Variants in UMAD1 observed in about 807,000 individuals in gnomAD.
UMAD1 encodes UBAP1-MVB12-associated (UMA) domain containing 1, also known as UBAP1-MVB12-associated (UMA)-domain containing protein 1.
Under a neutral mutation model 6.1 loss-of-function variants are expected in UMAD1, and 8 were observed. The ratio of observed to expected loss-of-function variants is 1.30; its 90% CI spans 0.76 to 2.35. UMAD1 has a LOEUF of 2.35. Among genes scored for constraint, UMAD1 ranks in the 30% most tolerant of loss-of-function variants. The pLI is 0.00. For missense variants in UMAD1, 130 were observed against 78.4 expected (o/e 1.66, Z -2.49); for synonymous variants, 56 against 31.4 (o/e 1.78, Z -2.61).
At chr7:7,838,288 T>C (rs1162163743) in intron 3 of UMAD1, among the ~76,000 whole-genome samples, 1 of 152,140 alleles carries the variant, frequency 6.6e-6, no homozygotes, top group African/African-American at 2.4e-5. Context: ...CCACAGGGTA[T>C]AGTTTGTTGA....
At chr7:7,751,074 T>G (rs577186917) in intron 2 of UMAD1, among the ~76,000 whole-genome samples, 1 of 152,212 alleles carries the variant, frequency 6.6e-6, no homozygotes, top group Middle Eastern at 3.2e-3. Context: ...TTTGATATTA[T>G]GCAGGCTTCT....
chr7:7,740,821 C>T (rs942315310), intron 2 of UMAD1: 16 of 152,242 alleles, frequency 1.1e-4, no homozygotes, highest in African/African-American at 3.4e-4. Context: ...CTTCCTTTCT[C>T]CTTTTCTCTT....
At chr7:7,735,366 T>G (rs1781333912) in intron 2 of UMAD1, among the ~76,000 whole-genome samples, 1 of 152,106 alleles carries the variant, frequency 6.6e-6, no homozygotes, top group Non-Finnish European at 1.5e-5. Context: ...TTTAATGTGT[T>G]GTAGACATTT....
intron 2 of UMAD1, among the ~76,000 whole-genome samples, chr7:7,722,142 A>ACT (rs34667843): frequency 0.079 from 11,408 of 143,912 alleles, 522 homozygotes; most frequent in Middle Eastern, 0.13. Flanking sequence ...TCCTTAATAA[A>ACT]CTCTCTCTCT....
intron 2 of UMAD1, among the ~76,000 whole-genome samples, chr7:7,731,491 C>T (rs61179069): frequency 7.4e-6 from 1 of 134,516 alleles, no homozygotes; most frequent in Non-Finnish European, 1.6e-5. Flanking sequence ...AACCCCCCCC[C>T]AAAAAAAAAA....
chr7:7,802,307 G>A (rs1221657590), intron 3 of UMAD1, among the ~76,000 whole-genome samples: 1 of 152,180 alleles, frequency 6.6e-6, no homozygotes, highest in Non-Finnish European at 1.5e-5. Flanking sequence ...GAACCCCGGA[G>A]GTGGAGGTTG....
chr7:7,646,570 C>T (rs567294170), intron 1 of UMAD1, among the ~76,000 whole-genome samples: 34 of 151,218 alleles, frequency 2.2e-4, no homozygotes, highest in African/African-American at 7.5e-4. Context: ...TGAGGTCTCC[C>T]CAGCCACGTG....
intron 2 of UMAD1, among the ~76,000 whole-genome samples, chr7:7,755,132 C>G (rs1781752976): frequency 6.6e-6 from 1 of 152,156 alleles, no homozygotes; most frequent in Admixed American, 6.5e-5. Flanking sequence ...GATCTGTTTT[C>G]TCACTGCTAT....
chr7:7,738,733 C>G (rs1014547636), intron 2 of UMAD1: 5 of 152,232 alleles, frequency 3.3e-5, no homozygotes, highest in Non-Finnish European at 7.3e-5. Flanking sequence ...AGCTGTCATC[C>G]TCTCTGGGAG....
chr7:7,775,028 T>C (rs11764567), intron 2 of UMAD1, among the ~76,000 whole-genome samples: 77,384 of 152,020 alleles, frequency 0.51, 20,032 homozygotes, highest in African/African-American at 0.62. Flanking sequence ...CGGTCCTTCC[T>C]CATAGCCAAG....
At chr7:7,663,206 C>A (rs1269483826) in intron 1 of UMAD1, among the ~76,000 whole-genome samples, 1 of 142,060 alleles carries the variant, frequency 7.0e-6, no homozygotes, top group Non-Finnish European at 1.5e-5. Context: ...CTGGTCTTGA[C>A]CTGCTAAATT....
intron 2 of UMAD1, among the ~76,000 whole-genome samples, chr7:7,791,635 C>G (rs551241228): frequency 6.6e-6 from 1 of 152,216 alleles, no homozygotes; most frequent in East Asian, 1.9e-4. Flanking sequence ...AATTATTACC[C>G]CATAGCTACA....
intron 2 of UMAD1, among the ~76,000 whole-genome samples, chr7:7,745,775 C>T (rs564325635): frequency 6.6e-6 from 1 of 152,196 alleles, no homozygotes; most frequent in Non-Finnish European, 1.5e-5. Context: ...TGACAAATGG[C>T]CTGTTTCCCC....
chr7:7,651,124 C>T (rs1219056799), intron 1 of UMAD1, among the ~76,000 whole-genome samples: 1 of 152,074 alleles, frequency 6.6e-6, no homozygotes, highest in Non-Finnish European at 1.5e-5. Context: ...GAAATCACTC[C>T]CTGTACAGTC....
intron 3 of UMAD1, among the ~76,000 whole-genome samples, chr7:7,806,128 C>G (rs1583839136): frequency 6.6e-6 from 1 of 152,180 alleles, no homozygotes; most frequent in South Asian, 2.1e-4. Flanking sequence ...TTCTGCCTAT[C>G]AAATATCTTC....
At chr7:7,675,125 A>C (rs1445551504) in intron 2 of UMAD1, among the ~76,000 whole-genome samples, 2 of 152,152 alleles carry the variant, frequency 1.3e-5, no homozygotes, top group Non-Finnish European at 2.9e-5. Context: ...TCGGCCCCCC[A>C]AAGTGTTGGG....
At chr7:7,651,785 A>G (rs974299706) in intron 1 of UMAD1, among the ~76,000 whole-genome samples, 1 of 152,204 alleles carries the variant, frequency 6.6e-6, no homozygotes, top group East Asian at 1.9e-4. Context: ...CGAGACTCAG[A>G]TTTTAAAAGG....
intron 3 of UMAD1, among the ~76,000 whole-genome samples, chr7:7,848,159 C>T (rs1783846409): frequency 6.6e-6 from 1 of 152,028 alleles, no homozygotes; most frequent in Admixed American, 6.6e-5. Context: ...TACAGTATAA[C>T]CTGTTTCAAT....
intron 2 of UMAD1, among the ~76,000 whole-genome samples, chr7:7,787,988 C>G (rs1481420928): frequency 6.6e-6 from 1 of 152,168 alleles, no homozygotes; most frequent in African/African-American, 2.4e-5. Flanking sequence ...AGACTATTGC[C>G]ACCCTCTCTT....
Sources: allele counts gnomAD v4.1 joint callset (sites outside exome capture counted in the v4.1 genomes callset), GRCh38; gene constraint gnomAD v4.1.1; transcripts MANE v1.5; gene names NCBI Gene and HGNC (gene_info 2026-07-23, HGNC 2026-07-21).